The following CDK5RAP1 variants were observed in gnomAD, a reference collection of about 807,000 sequenced individuals.
CDK5RAP1 encodes the protein mitochondrial tRNA methylthiotransferase CDK5RAP1.
Under a neutral mutation model 64.5 loss-of-function variants are expected in CDK5RAP1, and 62 were observed. The observed-to-expected ratio is 0.96, with a 90% CI of 0.78 to 1.19. CDK5RAP1 has a LOEUF of 1.19. Ranked by LOEUF, CDK5RAP1 falls within the 50% of genes most tolerant of loss-of-function variation. The pLI is 0.00. For missense variants in CDK5RAP1, 657 were observed against 735.0 expected (o/e 0.89, Z 1.23); for synonymous variants, 250 against 261.9 (o/e 0.95, Z 0.44).
intron 5 of CDK5RAP1, among the ~76,000 whole-genome samples, chr20:33,389,393 G>A (rs371793285): frequency 0.023 from 3,425 of 151,020 alleles, 76 homozygotes; most frequent in East Asian, 0.068. Flanking sequence ...CGCGGCAGCC[G>A]CCCCGTCTGA....
rs1987549311 is a variant in CDK5RAP1, at chr20:33,387,254, C to T, written c.755+69G>A. On this transcript the variant is annotated intron_variant, in intron 6 of 13. Coordinates refer to ENST00000346416, the MANE Select transcript of CDK5RAP1 (RefSeq NM_016408.4). ...CTGGATGACAAGAGTGAGACCCTGTCTCAAAAAAAAAAAAAAAAGTGTGAA... is the reference window on the plus strand; with the variant it reads ...CTGGATGACAAGAGTGAGACCCTGTTTCAAAAAAAAAAAAAAAAGTGTGAA... 3 of 1,149,900 alleles carry T rather than the reference C, an allele frequency of 2.6e-6. No homozygotes were observed. The Admixed American group carries it at 6.3e-5, about 24-fold the overall frequency. 71.2% of individuals were successfully genotyped at this position (1,149,900 alleles called of 1,614,324 possible). A position where few individuals can be genotyped will look rare whatever the true frequency, so the allele number is the denominator to read the frequency against.
intron 2 of CDK5RAP1, 91 bp downstream of exon 2, chr20:33,396,670 C>A: frequency 1.0e-6 from 1 of 989,714 alleles, no homozygotes; most frequent in South Asian, 1.5e-5. Context: ...TGTTAACCTT[C>A]CAAGCCAGTT....
chr20:33,398,054 C>T (rs1989064102), intron 1 of CDK5RAP1, among the ~76,000 whole-genome samples: 1 of 152,172 alleles, frequency 6.6e-6, no homozygotes, highest in Non-Finnish European at 1.5e-5. Flanking sequence ...CCCTCTCACA[C>T]TTGGCTTAGC....
intron 11 of CDK5RAP1, among the ~76,000 whole-genome samples, chr20:33,369,565 A>C (rs1984646793): frequency 6.6e-6 from 1 of 152,128 alleles, no homozygotes; most frequent in South Asian, 2.1e-4. Flanking sequence ...AAGATACATG[A>C]ATATGATACA....
chr20:33,374,091 GC>G, intron 9 of CDK5RAP1, 23 bp downstream of exon 9: 2 of 1,507,702 alleles, frequency 1.3e-6, no homozygotes, highest in Non-Finnish European at 1.8e-6. Flanking sequence ...AGTGAGGGAT[GC>G]CCCCTCTCCA....
chr20:33,384,742 T>TA (rs1230145697), intron 7 of CDK5RAP1, among the ~76,000 whole-genome samples: 2 of 151,902 alleles, frequency 1.3e-5, no homozygotes, highest in Admixed American at 1.3e-4. Context: ...TCTCTACAAA[T>TA]AATTAAAAAA....
chr20:33,374,138 A>G lies in CDK5RAP1; in HGVS notation c.1182T>C (p.Arg394=), dbSNP rs770919130. 6.2e-7 allele frequency: 1 copy of G among 1,613,896 alleles called. No individual in the cohort carries two copies. The highest frequency in any genetic ancestry group is 1.1e-5 in the South Asian group (1 of 91,080). ...ACCCCCTCCGCATGGCCTCCAACAC[A>G]CGGCTGCTTCCACTCTGGGCTGGCA... ...IHLPAQSGSS[R]VLEAMRRGYS... is the part of the protein sequence containing the mutation. Residue 394 remains arginine, a synonymous_variant, in exon 9 of 14, where the codon CGT becomes CGC. Coordinates refer to ENST00000346416, the MANE Select transcript of CDK5RAP1 (RefSeq NM_016408.4).
chr20:33,386,251 A>T (rs952155425), intron 6 of CDK5RAP1, among the ~76,000 whole-genome samples: 1 of 152,062 alleles, frequency 6.6e-6, no homozygotes, highest in Non-Finnish European at 1.5e-5. Flanking sequence ...TTTAGTAGAG[A>T]TGGGATTTCT....
chr20:33,370,576 CT>C lies in CDK5RAP1; in HGVS notation c.1314del (p.Asp439IlefsTer24). The C allele has an allele frequency of 6.2e-7, 1 of 1,614,156 alleles. No homozygotes were observed. The highest frequency in any genetic ancestry group is 8.5e-7 in the Non-Finnish European group (1 of 1,180,022). ...AGCAAAGAGACTGTCTGGACGTGAT[CT>C]TCCTCCGTCTCACCACAAAAGCCAG... ...FIAGFCGETE[E>X]DHVQTVSLLR... On this transcript the variant is annotated frameshift_variant, in exon 11 of 14. Transcript: ENST00000346416. LOFTEE classifies it high-confidence loss of function.
chr20:33,398,087 A>C (rs1157936012), intron 1 of CDK5RAP1, among the ~76,000 whole-genome samples: 1 of 152,238 alleles, frequency 6.6e-6, no homozygotes, highest in Non-Finnish European at 1.5e-5. Context: ...CTTTATAGAG[A>C]ACAATTTGCC....
chr20:33,361,869 T>G (rs1161960689), intron 12 of CDK5RAP1, among the ~76,000 whole-genome samples: 1 of 146,158 alleles, frequency 6.8e-6, no homozygotes, highest in Non-Finnish European at 1.5e-5. Context: ...GGCAGGAGAA[T>G]CGCTTAAACC....
intron 1 of CDK5RAP1, among the ~76,000 whole-genome samples, 196 bp downstream of exon 1, chr20:33,401,232 C>T (rs1026089505): frequency 6.6e-6 from 1 of 152,230 alleles, no homozygotes; most frequent in Admixed American, 6.5e-5. Flanking sequence ...TGGAGGTGAC[C>T]TGTCCAAGGT....
At chr20:33,374,833 C>A (rs972968626) in intron 8 of CDK5RAP1, among the ~76,000 whole-genome samples, 2 of 151,372 alleles carry the variant, frequency 1.3e-5, no homozygotes, top group African/African-American at 4.8e-5. Flanking sequence ...GGATTACAGG[C>A]GTGAGCCACC....
At chr20:33,359,812 G>A (rs888160204) in intron 13 of CDK5RAP1, 2 of 156,598 alleles carry the variant, frequency 1.3e-5, no homozygotes, top group African/African-American at 4.8e-5. Flanking sequence ...ACTGGGCAGT[G>A]TGAGAAGAGA....
chr20:33,397,111 G>A, intron 1 of CDK5RAP1, 27 bp from the exon 2 acceptor site: 1 of 1,526,748 alleles, frequency 6.5e-7, no homozygotes, highest in Non-Finnish European at 8.8e-7. Flanking sequence ...GACATCACCA[G>A]CATTTATTGA....
chr20:33,378,898 C>T (rs1303213795), intron 8 of CDK5RAP1, among the ~76,000 whole-genome samples: 2 of 152,150 alleles, frequency 1.3e-5, no homozygotes, highest in Admixed American at 6.5e-5. Flanking sequence ...CTCACGGTCC[C>T]GCAGGTGGTC....
rs1012560775 is a variant in CDK5RAP1 at position 33,366,919 on chromosome 20, T to C, written c.1482A>G (p.Glu494=). The change falls in exon 12 of 14, where the codon GAA becomes GAG. Residue 494 remains glutamate, a synonymous_variant. Transcript: ENST00000346416. The stretch of plus-strand genomic sequence containing the variant: ...AGGTCTGATTGGCTTTTGTTGCTTC[T>C]TCTCGGAAGATAGTGATGAGTTCCT... The part of the protein sequence containing the change: ...RLEELITIFR[E]EATKANQTSV... 1.2e-6 allele frequency: 2 copies of C among 1,614,000 alleles called. No individual in the cohort carries two copies. The highest frequency in any genetic ancestry group is 1.7e-6 in the Non-Finnish European group (2 of 1,180,018).
chr20:33,369,790 T>C (rs2146608229), intron 11 of CDK5RAP1, among the ~76,000 whole-genome samples: 1 of 152,246 alleles, frequency 6.6e-6, no homozygotes, highest in East Asian at 1.9e-4. Context: ...GGCAGCTCAG[T>C]AACAATGACA....
At position 33,394,083 on chromosome 20, in the gene CDK5RAP1, GA is replaced by G; in HGVS notation, c.409-18del. 1 of 1,545,078 alleles carries G rather than the reference GA, an allele frequency of 6.5e-7. No individual in the cohort carries two copies. Among genetic ancestry groups the G allele is most frequent in the Non-Finnish European group, 9.0e-7 (1 of 1,117,114 alleles). ...CACATCTGCCTGAATGGAAAGAAAG[GA>G]AAACAAGGAAAATTACATAATATCT... On this transcript the variant is annotated intron_variant, in intron 3 of 13. Transcript: ENST00000346416.
Sources: allele counts gnomAD v4.1 joint callset (sites outside exome capture counted in the v4.1 genomes callset), GRCh38; gene constraint gnomAD v4.1.1; transcripts MANE v1.5; gene names NCBI Gene and HGNC (gene_info 2026-07-23, HGNC 2026-07-21).